The following ZNF696 variants were observed in gnomAD, a reference collection of about 807,000 sequenced individuals.
ZNF696 encodes the protein zinc finger protein 696.
In ZNF696, 10 loss-of-function variants were observed where a neutral mutation model predicts 12.3. That is an observed-to-expected ratio of 0.81 (90% CI 0.50 to 1.38). ZNF696 has a LOEUF of 1.38. Among genes scored for constraint, ZNF696 ranks in the 40% most tolerant of loss-of-function variants. The pLI is 0.00. For synonymous variants in ZNF696, 304 were observed against 243.9 expected (o/e 1.25, Z -2.29); for missense variants, 675 against 554.7 (o/e 1.22, Z -2.18).
rs374410241 is a variant in ZNF696 at position 143,297,976 on chromosome 8, A to T, written c.*1176A>T. ...TTCCTGTAAAATATTTTCATTTTTT[A>T]AAATGTTATTTTCTAGATAGAAAAG... On this transcript the variant is annotated 3_prime_UTR_variant, in exon 3 of 3. Coordinates refer to ENST00000330143, the MANE Select transcript of ZNF696 (RefSeq NM_030895.3). 9.9e-5 allele frequency: 15 copies of T among 152,192 alleles called. No homozygotes were observed. Among genetic ancestry groups the T allele is most frequent in the Non-Finnish European group, 2.1e-4 (14 of 68,028 alleles). 9.4% of individuals were successfully genotyped at this position (152,192 alleles called of 1,614,324 possible).
At chr8:143,291,983 G>T (rs112792391) in intron 1 of ZNF696, among the ~76,000 whole-genome samples, 4 of 151,934 alleles carry the variant, frequency 2.6e-5, no homozygotes, top group African/African-American at 9.7e-5. Context: ...TTTTAAGACA[G>T]GGTCTCACTC....
chr8:143,293,138 A>T, intron 2 of ZNF696, 73 bp downstream of exon 2: 1 of 1,312,228 alleles, frequency 7.6e-7, no homozygotes, highest in Non-Finnish European at 1.1e-6. Flanking sequence ...GAAAAACACC[A>T]TGTCTCAGTC....
At position 143,298,889 on chromosome 8, in the gene ZNF696, G is replaced by A. The variant is rs940861677; in HGVS notation, c.*2089G>A. Among the ~76,000 whole-genome samples, 26 of 152,264 alleles carry A rather than the reference G, an allele frequency of 1.7e-4. No individual in the cohort carries two copies. The highest frequency in any genetic ancestry group is 6.8e-3 in the Middle Eastern group (2 of 294). ...GCCTAGGCAACATAGGGCTGGGCACGGTGGCTCACGCCTGTAATTCCAGCA... is the reference window on the plus strand; with the variant it reads ...GCCTAGGCAACATAGGGCTGGGCACAGTGGCTCACGCCTGTAATTCCAGCA... On this transcript the variant is annotated 3_prime_UTR_variant, in exon 3 of 3. Transcript: ENST00000330143.
chr8:143,292,477 A>G (rs1815640605), intron 1 of ZNF696, among the ~76,000 whole-genome samples: 1 of 148,038 alleles, frequency 6.8e-6, no homozygotes, highest in Admixed American at 6.8e-5. Flanking sequence ...TATGTAGTTG[A>G]ATTTGTCAGA....
rs545884434 is a variant in ZNF696, at chr8:143,298,616, A to G, written c.*1816A>G. Among the ~76,000 whole-genome samples, 98 of 152,322 alleles carry G rather than the reference A, an allele frequency of 6.4e-4. No homozygotes were observed. Among genetic ancestry groups the G allele is most frequent in the African/African-American group, 2.3e-3 (95 of 41,578 alleles). On this transcript the variant is annotated 3_prime_UTR_variant, in exon 3 of 3. Transcript: ENST00000330143. ...CAGCAGGCAGCCGCTGTCAGCCACA[A>G]AGAAACGCAGATCCTGAAACTGTCA...
intron 1 of ZNF696, chr8:143,292,097 A>G (rs571476742): frequency 1.3e-5 from 2 of 152,200 alleles, no homozygotes; most frequent in African/African-American, 2.4e-5. Flanking sequence ...AGCTGGGACT[A>G]CAGACGCCCA....
In ZNF696 at chr8:143,295,428, A is replaced by C. The variant is rs1416082084; in HGVS notation, c.65-312A>C. The C allele has an allele frequency of 5.2e-5, 33 of 628,682 alleles. No individual in the cohort carries two copies. In the East Asian group the frequency reaches 1.0e-3, roughly 20 times the overall value. The allele number at this position is 628,682 out of a possible 1,614,324, so 38.9% of individuals were successfully genotyped here. A position where few individuals can be genotyped will look rare whatever the true frequency, so the allele number is the denominator to read the frequency against. Reference sequence around the variant, plus strand: ...AGGCTGGTCTTGAACTCCAAGTCTCAAGTGGTCCTCCTGCCTCAGCCTCTG... The same window carrying C: ...AGGCTGGTCTTGAACTCCAAGTCTCCAGTGGTCCTCCTGCCTCAGCCTCTG... On this transcript the variant is annotated intron_variant, in intron 2 of 2. Coordinates refer to ENST00000330143, the MANE Select transcript of ZNF696 (RefSeq NM_030895.3).
chr8:143,291,833 AGC>A, intron 1 of ZNF696, 66 bp downstream of exon 1: 2 of 977,120 alleles, frequency 2.0e-6, no homozygotes, highest in Non-Finnish European at 2.4e-6. Context: ...TTTTTGTAAA[AGC>A]GGCGGGGTCT....
chr8:143,296,866 C>A lies in ZNF696; in HGVS notation c.*66C>A. The A allele has an allele frequency of 7.6e-7, 1 of 1,311,958 alleles. No individual in the cohort carries two copies. Among genetic ancestry groups the A allele is most frequent in the Non-Finnish European group, 9.8e-7 (1 of 1,021,754 alleles). The allele number at this position is 1,311,958 out of a possible 1,614,324, so 81.3% of individuals were successfully genotyped here. A position where few individuals can be genotyped will look rare whatever the true frequency, so the allele number is the denominator to read the frequency against. Reference sequence around the variant, plus strand: ...CGCGAGGCCGAGGCCGGGGGAGGCTCCTGTCCGCCCCGTGCGCGGTGAGGA... The same window carrying A: ...CGCGAGGCCGAGGCCGGGGGAGGCTACTGTCCGCCCCGTGCGCGGTGAGGA... On this transcript the variant is annotated 3_prime_UTR_variant, in exon 3 of 3. Transcript: ENST00000330143.
rs1324022474 is a variant in ZNF696, at chr8:143,296,241, C to T, written c.566C>T (p.Ala189Val). ...RPYACAECGK[A>V]FGQSFNLLRH... ...TACGCGTGCGCCGAGTGCGGCAAGG[C>T]CTTCGGCCAGAGCTTCAACCTCCTC... Residue 189 changes from alanine (A) to valine (V), a missense_variant, in exon 3 of 3, where the codon GCC becomes GTC. Ala to Val is a moderately conservative substitution (Grantham distance 64). Coordinates refer to ENST00000330143, the MANE Select transcript of ZNF696 (RefSeq NM_030895.3). 6.3e-7 allele frequency: 1 copy of T among 1,596,448 alleles called. No individual in the cohort carries two copies. The highest frequency in any genetic ancestry group is 8.5e-7 in the Non-Finnish European group (1 of 1,175,170).
Position 143,296,083 on chromosome 8 carries a change from C to T in ZNF696, c.408C>T (p.Cys136=). 3 of 1,600,458 alleles carry T rather than the reference C, an allele frequency of 1.9e-6. No homozygotes were observed. Among genetic ancestry groups the T allele is most frequent in the Non-Finnish European group, 2.6e-6 (3 of 1,173,082 alleles). The part of the protein sequence containing the change: ...PCGACGRSFK[C]SSDAAKHRSI... ...GCGCCTGTGGCCGCAGCTTCAAGTGCTCCTCGGACGCGGCAAAGCACCGGA... is the reference window on the plus strand; with the variant it reads ...GCGCCTGTGGCCGCAGCTTCAAGTGTTCCTCGGACGCGGCAAAGCACCGGA... Residue 136 remains cysteine (C), a synonymous_variant, in exon 3 of 3, where the codon TGC becomes TGT. Coordinates refer to ENST00000330143, the MANE Select transcript of ZNF696 (RefSeq NM_030895.3).
intron 2 of ZNF696, among the ~76,000 whole-genome samples, chr8:143,294,081 T>C (rs74751570): frequency 0.47 from 63,269 of 133,608 alleles, 15,187 homozygotes; most frequent in East Asian, 0.72. Context: ...CTGGCCTCGT[T>C]GGCCCCCCTC....
In ZNF696 at chr8:143,296,990, G is replaced by A; in HGVS notation, c.*190G>A. 1 of 553,562 alleles carries A rather than the reference G, an allele frequency of 1.8e-6. No homozygotes were observed. Among genetic ancestry groups the A allele is most frequent in the Non-Finnish European group, 2.9e-6 (1 of 349,964 alleles). The allele number at this position is 553,562 out of a possible 1,614,324, so 34.3% of individuals were successfully genotyped here. On this transcript the variant is annotated 3_prime_UTR_variant, in exon 3 of 3. Transcript: ENST00000330143. ...AGCAATCAGGAGAGACAGGGCTCGG[G>A]GAAGGCGAGCGCTGCCCGCGGGAGG...
rs1401353200 is a variant in ZNF696, at chr8:143,296,326, C to T, written c.651C>T (p.Ala217=). 2.5e-6 allele frequency: 4 copies of T among 1,596,592 alleles called. No homozygotes were observed. The highest frequency in any genetic ancestry group is 2.7e-5 in the African/African-American group (2 of 74,606). Residue 217 remains alanine, a synonymous_variant, in exon 3 of 3, where the codon GCC becomes GCT. Coordinates refer to ENST00000330143, the MANE Select transcript of ZNF696 (RefSeq NM_030895.3). ...KPYACADCGK[A]FGQRSDAAKH... ...ACGCGTGCGCCGACTGCGGCAAGGC[C>T]TTCGGCCAGAGGTCGGACGCCGCCA... is the stretch of plus-strand genomic sequence containing the variant.
At position 143,297,386 on chromosome 8, in the gene ZNF696, C is replaced by G. The variant is rs1418506281; in HGVS notation, c.*586C>G. On this transcript the variant is annotated 3_prime_UTR_variant, in exon 3 of 3. Transcript: ENST00000330143. ...GGAACTTGGCCGGGTGCGGTGGCTC[C>G]CGCCTGTAATCCTAGCACTTTGGGA... 1 of 152,228 alleles carries G rather than the reference C, an allele frequency of 6.6e-6. No homozygotes were observed. The highest frequency in any genetic ancestry group is 2.4e-5 in the African/African-American group (1 of 41,434). The allele number at this position is 152,228 out of a possible 1,614,324, so 9.4% of individuals were successfully genotyped here.
intron 2 of ZNF696, 182 bp from the exon 3 acceptor site, chr8:143,295,558 A>G (rs1268557211): frequency 4.3e-6 from 3 of 694,758 alleles, no homozygotes; most frequent in Non-Finnish European, 7.4e-6. Flanking sequence ...GGGGGTTAAG[A>G]AGGTGGGGAG....
intron 2 of ZNF696, 135 bp downstream of exon 2, chr8:143,293,200 T>G: frequency 1.4e-6 from 1 of 695,690 alleles, no homozygotes; most frequent in Non-Finnish European, 2.5e-6. Context: ...GGGAGGGAGG[T>G]AAACGCAGGC....
In ZNF696 at chr8:143,297,641, C is replaced by T. The variant is rs1329942777; in HGVS notation, c.*841C>T. The stretch of plus-strand genomic sequence containing the variant: ...CTTTAGCCTGGGCGACAGAGAGACC[C>T]ATCTCAAAAAAAAAATTGGAACCTG... On this transcript the variant is annotated 3_prime_UTR_variant, in exon 3 of 3. Coordinates refer to ENST00000330143, the MANE Select transcript of ZNF696 (RefSeq NM_030895.3). 6.6e-6 allele frequency: 1 copy of T among 151,960 alleles called. No homozygotes were observed. The highest frequency in any genetic ancestry group is 6.6e-5 in the Admixed American group (1 of 15,266). 9.4% of individuals were successfully genotyped at this position (151,960 alleles called of 1,614,324 possible).
rs528823469 is a variant in ZNF696 at position 143,298,517 on chromosome 8, C to T, written c.*1717C>T. Reference sequence around the variant, plus strand: ...TACCTGGCTTAGCCTCATTCCTGCTCGTAAGTCAGGCATTCAGCTTGCAAA... The same window carrying T: ...TACCTGGCTTAGCCTCATTCCTGCTTGTAAGTCAGGCATTCAGCTTGCAAA... On this transcript the variant is annotated 3_prime_UTR_variant, in exon 3 of 3. Transcript: ENST00000330143. Among the ~76,000 whole-genome samples the T allele has an allele frequency of 6.6e-6, 1 of 152,094 alleles. No individual in the cohort carries two copies. The highest frequency in any genetic ancestry group is 1.5e-5 in the Non-Finnish European group (1 of 68,024).
Sources: allele counts gnomAD v4.1 joint callset (sites outside exome capture counted in the v4.1 genomes callset), GRCh38; gene constraint gnomAD v4.1.1; transcripts MANE v1.5; gene names NCBI Gene and HGNC (gene_info 2026-07-23, HGNC 2026-07-21).